DNM1L: variants seen among roughly 807,000 people sequenced by gnomAD.
The protein encoded by DNM1L is dynamin 1L.
In DNM1L, 33 loss-of-function variants were observed where a neutral mutation model predicts 92.8. The observed-to-expected ratio is 0.36, with a 90% CI of 0.27 to 0.48. DNM1L has a LOEUF of 0.48. Ranked by LOEUF, DNM1L falls within the 20% of genes least tolerant of loss-of-function variation. DNM1L has a pLI of 0.99. For missense variants in DNM1L, 485 were observed against 888.8 expected, an observed-to-expected ratio of 0.55 and a Z score of 5.78; for synonymous variants, 284 against 305.0, an observed-to-expected ratio of 0.93 and a Z score of 0.72.
intron 1 of DNM1L, among the ~76,000 whole-genome samples, chr12:32,685,359 C>CTT (rs71298052): frequency 0.089 from 11,114 of 124,310 alleles, 764 homozygotes; most frequent in South Asian, 0.19. Flanking sequence ...GTGGCTGCAC[C>CTT]TTTTTTTTTT....
chr12:32,736,916 A>G, intron 13 of DNM1L, 189 bp from the exon 14 acceptor site: 1 of 608,102 alleles, frequency 1.6e-6, no homozygotes. Context: ...CAGAAAAAAA[A>G]AAGATTAAGA....
At position 32,742,841 on chromosome 12, in the gene DNM1L, C is replaced by G. The variant is rs992037248; in HGVS notation, c.2154+93C>G. The G allele has an allele frequency of 4.8e-6, 5 of 1,037,830 alleles. No homozygotes were observed. In the African/African-American group the frequency reaches 8.5e-5, roughly 18 times the overall value. The allele number at this position is 1,037,830 out of a possible 1,614,324, so 64.3% of individuals were successfully genotyped here. On this transcript the variant is annotated intron_variant, in intron 19 of 19. Coordinates refer to ENST00000549701, the MANE Select transcript of DNM1L (RefSeq NM_012062.5). ...AGTTTGATTCTTGGATATGTATAGT[C>G]TTTATATTCTAGCTAGGCTTGTTTC...
Position 32,699,021 on chromosome 12 carries a change from T to TA in DNM1L, c.103-2380dup, listed in dbSNP as rs199972506. ...AATGGTAGAATGAGACCCCATCTCT[T>TA]AAAAAAAAAAAAAATCCTGAATGTG... On this transcript the variant is annotated intron_variant, in intron 1 of 19. Transcript: ENST00000549701. Among the ~76,000 whole-genome samples, 238 of 143,164 alleles carry TA rather than the reference T, an allele frequency of 1.7e-3. 2 individuals carry two copies. The highest frequency in any genetic ancestry group is 0.015 in the South Asian group (68 of 4,464). The allele number at this position is 143,164 out of a possible 152,430, so 93.9% of individuals were successfully genotyped here.
chr12:32,709,893 T>C (rs1953059525), intron 4 of DNM1L, among the ~76,000 whole-genome samples: 1 of 152,132 alleles, frequency 6.6e-6, no homozygotes, highest in African/African-American at 2.4e-5. Context: ...TAATCTAAAA[T>C]AGCAAATATA....
chr12:32,701,614 T>G, intron 2 of DNM1L, 52 bp downstream of exon 2: 1 of 1,508,640 alleles, frequency 6.6e-7, no homozygotes, highest in Non-Finnish European at 9.2e-7. Context: ...TTTTGATCTA[T>G]TCTTAAAAAG....
chr12:32,679,849 G>A, intron 1 of DNM1L: 11 of 998,394 alleles, frequency 1.1e-5, no homozygotes, highest in Non-Finnish European at 1.3e-5. Flanking sequence ...GGGCACTCGG[G>A]TCTCGCTGGG....
rs1955380525 is a variant in DNM1L, at chr12:32,742,529, G to A, written c.1995-60G>A. 6.2e-6 allele frequency: 10 copies of A among 1,605,728 alleles called. No homozygotes were observed. In the East Asian group the frequency reaches 1.3e-4, roughly 22 times the overall value. On this transcript the variant is annotated intron_variant, in intron 18 of 19. Transcript: ENST00000549701. ...TTTATTTCATGAGGTTAGCATCTAA[G>A]CCCAAATTGTTAAAAGTAGAATTTT...
chr12:32,718,945 A>G lies in DNM1L; in HGVS notation c.740+182A>G, dbSNP rs369975576. Among the ~76,000 whole-genome samples the G allele has an allele frequency of 2.3e-3, 342 of 150,448 alleles. 4 individuals are homozygous for G. Among genetic ancestry groups the G allele is most frequent in the Middle Eastern group, 0.021 (6 of 292 alleles). ...GAATCCGTTGCCCTAAAGGGAGAAAAGAGAGAGAATTTTTTTTTTTTTTTG... is the reference window on the plus strand; with the variant it reads ...GAATCCGTTGCCCTAAAGGGAGAAAGGAGAGAGAATTTTTTTTTTTTTTTG... On this transcript the variant is annotated intron_variant, in intron 7 of 19. Coordinates refer to ENST00000549701, the MANE Select transcript of DNM1L (RefSeq NM_012062.5).
chr12:32,724,213 T>G (rs1318244250), intron 9 of DNM1L, among the ~76,000 whole-genome samples: 2 of 152,186 alleles, frequency 1.3e-5, no homozygotes, highest in African/African-American at 2.4e-5. Flanking sequence ...TAGTATTTAC[T>G]ACTATGCAGT....
In DNM1L at chr12:32,743,847, G is replaced by T. The variant is rs987885293; in HGVS notation, c.*437G>T. On this transcript the variant is annotated 3_prime_UTR_variant, in exon 20 of 20. Transcript: ENST00000549701. ...TGCATGTACTATATAAGCTGATCTGGCTTTGAAAGATGTGAGTTGGCAAGT... is the reference window on the plus strand; with the variant it reads ...TGCATGTACTATATAAGCTGATCTGTCTTTGAAAGATGTGAGTTGGCAAGT... 3.7e-5 allele frequency: 6 copies of T among 160,640 alleles called. No individual in the cohort carries two copies. The East Asian group carries it at 8.6e-4, about 23-fold the overall frequency. 10.0% of individuals were successfully genotyped at this position (160,640 alleles called of 1,614,324 possible). A position where few individuals can be genotyped will look rare whatever the true frequency, so the allele number is the denominator to read the frequency against.
At position 32,740,417 on chromosome 12, in the gene DNM1L, T is replaced by C; in HGVS notation, c.1893T>C (p.Pro631=). 1.2e-6 allele frequency: 2 copies of C among 1,614,030 alleles called. No individual in the cohort carries two copies. Among genetic ancestry groups the C allele is most frequent in the Non-Finnish European group, 1.7e-6 (2 of 1,179,898 alleles). Residue 631 remains proline (P), a synonymous_variant, in exon 18 of 20, where the codon CCT becomes CCC. Coordinates refer to ENST00000549701, the MANE Select transcript of DNM1L (RefSeq NM_012062.5). ...CCCTCATCCCTATTTAGCCAGTTCC[T>C]GTTGCACGAAAACTATCTGCTCGGG... ...HAVNLLDVPV[P]VARKLSAREQ... is the part of the protein sequence containing the mutation.
chr12:32,679,700 C>G, intron 1 of DNM1L: 2 of 1,226,452 alleles, frequency 1.6e-6, no homozygotes, highest in Non-Finnish European at 2.0e-6. Flanking sequence ...GGAGCCGGCG[C>G]GGCGGGCCTG....
chr12:32,732,693 T>C (rs961334610), intron 12 of DNM1L: 11 of 421,706 alleles, frequency 2.6e-5, no homozygotes, highest in Non-Finnish European at 3.8e-5. Context: ...CCCAGAATCA[T>C]TGGACCTTCA....
At chr12:32,737,068 C>G (rs1214455941) in intron 13 of DNM1L, 37 bp from the exon 14 acceptor site, 1 of 1,611,276 alleles carries the variant, frequency 6.2e-7, no homozygotes, top group East Asian at 2.2e-5. Context: ...TATCTCAATA[C>G]TTGGATAATC....
chr12:32,686,820 A>G (rs1343765586), intron 1 of DNM1L, among the ~76,000 whole-genome samples: 1 of 151,992 alleles, frequency 6.6e-6, no homozygotes, highest in Non-Finnish European at 1.5e-5. Flanking sequence ...GATTATAGTC[A>G]TCCTAATGGG....
Position 32,745,226 on chromosome 12 carries a change from TC to T in DNM1L, c.*1817del. 4.4e-6 allele frequency: 1 copy of T among 227,008 alleles called. No individual in the cohort carries two copies. The highest frequency in any genetic ancestry group is 8.7e-6 in the Non-Finnish European group (1 of 114,480). The allele number at this position is 227,008 out of a possible 1,614,324, so 14.1% of individuals were successfully genotyped here. ...GCATCAGTTTCAAAATTATAGCCAT[TC>T]ATGATTTACTTTTTCCAGATGACTA... On this transcript the variant is annotated 3_prime_UTR_variant, in exon 20 of 20. Transcript: ENST00000549701.
chr12:32,711,076 G>A (rs1953107585), intron 5 of DNM1L, 61 bp downstream of exon 5: 10 of 1,379,892 alleles, frequency 7.2e-6, no homozygotes, highest in Non-Finnish European at 1.0e-5. Context: ...CATCCCATAT[G>A]AGAATAATCA....
In DNM1L at chr12:32,717,311, A is replaced by G. The variant is rs1953457263; in HGVS notation, c.620-1332A>G. 2.4e-5 allele frequency among the ~76,000 whole-genome samples: 2 copies of G among 82,654 alleles called. 1 individual carries two copies. Among genetic ancestry groups the G allele is most frequent in the African/African-American group, 1.0e-4 (2 of 19,284 alleles). The allele number at this position is 82,654 out of a possible 152,430, so 54.2% of individuals were successfully genotyped here. A position where few individuals can be genotyped will look rare whatever the true frequency, so the allele number is the denominator to read the frequency against. On this transcript the variant is annotated intron_variant, in intron 6 of 19. Transcript: ENST00000549701. ...ACTATATATTTTATATATACTATAT[A>G]TTATATATACACTATATATTTTATA...
At chr12:32,727,493 A>G (rs1954226116) in intron 9 of DNM1L, 1 of 492,470 alleles carries the variant, frequency 2.0e-6, no homozygotes, top group East Asian at 3.4e-5. Flanking sequence ...CTGCAAGCAG[A>G]TGGCGCTAAA....
Sources: allele counts gnomAD v4.1 joint callset (sites outside exome capture counted in the v4.1 genomes callset), GRCh38; gene constraint gnomAD v4.1.1; transcripts MANE v1.5; gene names NCBI Gene and HGNC (gene_info 2026-07-23, HGNC 2026-07-21).